Variants in TSPEAR observed in about 807,000 individuals in gnomAD.
TSPEAR encodes thrombospondin-type laminin G domain and EAR repeat-containing protein.
A neutral mutation model predicts 71.6 loss-of-function variants in TSPEAR; 69 were observed. The ratio of observed to expected loss-of-function variants is 0.96; its 90% confidence interval spans 0.79 to 1.18. TSPEAR has a LOEUF of 1.18. Among genes scored for constraint, TSPEAR ranks in the 50% most tolerant of loss-of-function variants. The pLI, the probability that TSPEAR is intolerant of heterozygous loss-of-function variation, is 0.00. For missense variants in TSPEAR, 971 were observed against 894.9 expected, an observed-to-expected ratio of 1.09 and a Z score of -1.09; for synonymous variants, 402 against 387.2, an observed-to-expected ratio of 1.04 and a Z score of -0.45.
intron 1 of TSPEAR, chr21:44,681,921 G>A: frequency 3.7e-6 from 6 of 1,614,088 alleles, no homozygotes; most frequent in South Asian, 2.2e-5. Context: ...CTGGCAGGAG[G>A]GAGCCGCATA....
At chr21:44,550,637 A>T in intron 2 of TSPEAR, 1 of 1,596,324 alleles carries the variant, frequency 6.3e-7, no homozygotes, top group Admixed American at 1.7e-5. Flanking sequence ...GGGAGGTCCA[A>T]GGACTGGCAG....
chr21:44,704,116 A>C (rs1467914331), intron 1 of TSPEAR, among the ~76,000 whole-genome samples: 1 of 152,170 alleles, frequency 6.6e-6, no homozygotes, highest in East Asian at 1.9e-4. Flanking sequence ...CCTCAGTGAG[A>C]GGAGGGCCCT....
rs1206399302 is a variant in TSPEAR, at chr21:44,628,426, T to G, written c.83-60421A>C. On this transcript the variant is annotated intron_variant, in intron 1 of 11. Coordinates refer to ENST00000323084, the MANE Select transcript of TSPEAR (RefSeq NM_144991.3). ...GCACCCAGGGCGGGAGGGGGCAGAG[T>G]GGGGCCTGGCCTGGCTCTGGGGGGC... 1.0e-5 allele frequency: 3 copies of G among 291,564 alleles called. No homozygotes were observed. The Admixed American group carries it at 1.4e-4, about 14-fold the overall frequency. 18.1% of individuals were successfully genotyped at this position (291,564 alleles called of 1,614,324 possible). A position where few individuals can be genotyped will look rare whatever the true frequency, so the allele number is the denominator to read the frequency against.
chr21:44,624,300 G>T (rs782204423), intron 1 of TSPEAR, among the ~76,000 whole-genome samples: 2 of 152,088 alleles, frequency 1.3e-5, no homozygotes, highest in East Asian at 3.8e-4. Context: ...TTGTCCTCTG[G>T]TTTTTTGAGC....
intron 1 of TSPEAR, among the ~76,000 whole-genome samples, chr21:44,689,225 G>A (rs1347004998): frequency 2.0e-5 from 3 of 152,178 alleles, no homozygotes; most frequent in Non-Finnish European, 4.4e-5. Flanking sequence ...AAATACGGCC[G>A]GGCACGGTGG....
At chr21:44,627,805 C>T in intron 1 of TSPEAR, 1 of 1,605,544 alleles carries the variant, frequency 6.2e-7, no homozygotes, top group East Asian at 2.2e-5. Flanking sequence ...GTGCTGCCAG[C>T]AGTCTGGCTG....
chr21:44,639,405 G>A (rs891954098), intron 1 of TSPEAR, among the ~76,000 whole-genome samples: 4 of 152,176 alleles, frequency 2.6e-5, no homozygotes, highest in Non-Finnish European at 5.9e-5. Flanking sequence ...AGGACCTCCC[G>A]GAGTCCCACC....
At chr21:44,677,450 T>C (rs1986370570) in intron 1 of TSPEAR, 1 of 870,404 alleles carries the variant, frequency 1.1e-6, no homozygotes, top group African/African-American at 1.6e-5. Flanking sequence ...TCAGAGCATC[T>C]TCAAAGCTCT....
chr21:44,591,502 G>A lies in TSPEAR; in HGVS notation c.83-23497C>T, dbSNP rs374560004. 180 of 1,614,080 alleles carry A rather than the reference G, an allele frequency of 1.1e-4. No individual in the cohort carries two copies. In the Admixed American group the frequency reaches 1.1e-3, roughly 10 times the overall value. ...GCGGCAGCAGCTGGGCTGGCAGGAGGAGGCAGAGGCACCACAGGAGGGGAC... is the reference window on the plus strand; with the variant it reads ...GCGGCAGCAGCTGGGCTGGCAGGAGAAGGCAGAGGCACCACAGGAGGGGAC... On this transcript the variant is annotated intron_variant, in intron 1 of 11. Transcript: ENST00000323084.
intron 1 of TSPEAR, among the ~76,000 whole-genome samples, chr21:44,670,819 T>A (rs920004398): frequency 6.6e-6 from 1 of 152,116 alleles, no homozygotes; most frequent in Admixed American, 6.5e-5. Flanking sequence ...CCAACAGATC[T>A]TGTATCTCCA....
intron 1 of TSPEAR, among the ~76,000 whole-genome samples, chr21:44,572,668 G>A (rs1026679796): frequency 6.6e-5 from 10 of 151,860 alleles, no homozygotes; most frequent in African/African-American, 2.2e-4. Context: ...GCTTGCTGTG[G>A]ATTGAATTGT....
chr21:44,659,701 G>A (rs925407464), intron 1 of TSPEAR, among the ~76,000 whole-genome samples: 6 of 152,192 alleles, frequency 3.9e-5, no homozygotes, highest in Admixed American at 6.5e-5. Context: ...CTGGAGAGTC[G>A]TTTGAGCCTG....
chr21:44,548,474 G>T (rs2053340384), intron 2 of TSPEAR, among the ~76,000 whole-genome samples: 1 of 152,192 alleles, frequency 6.6e-6, no homozygotes, highest in African/African-American at 2.4e-5. Flanking sequence ...GTGGGGATGG[G>T]AAGGTCTTGG....
intron 3 of TSPEAR, among the ~76,000 whole-genome samples, chr21:44,531,738 C>T (rs1003934111): frequency 3.9e-5 from 6 of 152,320 alleles, no homozygotes; most frequent in Non-Finnish European, 7.4e-5. Context: ...CACCATCACC[C>T]GGCCTGGGGT....
chr21:44,613,859 A>T (rs1263410619), intron 1 of TSPEAR, among the ~76,000 whole-genome samples: 1 of 151,702 alleles, frequency 6.6e-6, no homozygotes, highest in Non-Finnish European at 1.5e-5. Context: ...TAGGTGCGCG[A>T]CTTATGATTT....
rs371482276 is a variant in TSPEAR at position 44,527,384 on chromosome 21, C to T, written c.1057G>A (p.Val353Ile). 8.2e-5 allele frequency: 132 copies of T among 1,614,202 alleles called. No individual in the cohort carries two copies. In the East Asian group the frequency reaches 1.2e-3, roughly 15 times the overall value. ...AACTTCTCTTCGGTCCACTTGTAGA[C>T]GGCGGATGTGGCTTTGCGATTGGCT... Reference protein sequence around the residue: ...ATANRKATSAVYKWTEEKFVS... With the variant: ...ATANRKATSAIYKWTEEKFVS... The change falls in exon 7 of 12, where the codon GTC becomes ATC. Residue 353 changes from valine (V) to isoleucine (I), a missense_variant. By Grantham distance (29) the Val-to-Ile change is conservative (BLOSUM62 3). Transcript: ENST00000323084.
intron 1 of TSPEAR, chr21:44,580,117 C>A: frequency 6.2e-7 from 1 of 1,613,312 alleles, no homozygotes; most frequent in Non-Finnish European, 8.5e-7. Flanking sequence ...AGCTAGAATG[C>A]TGGCAGCATG....
At chr21:44,571,242 G>T (rs1484033905) in intron 1 of TSPEAR, among the ~76,000 whole-genome samples, 4 of 152,248 alleles carry the variant, frequency 2.6e-5, no homozygotes, top group Non-Finnish European at 5.9e-5. Context: ...TAGAGATGGG[G>T]TCTGGCTATG....
intron 6 of TSPEAR, 43 bp from the exon 7 acceptor site, chr21:44,527,561 C>A: frequency 6.3e-7 from 1 of 1,599,848 alleles, no homozygotes; most frequent in Non-Finnish European, 8.6e-7. Context: ...TTTCCGAGAA[C>A]GGAAATCCAG....
Sources: allele counts gnomAD v4.1 joint callset (sites outside exome capture counted in the v4.1 genomes callset), GRCh38; gene constraint gnomAD v4.1.1; transcripts MANE v1.5; gene names NCBI Gene and HGNC (gene_info 2026-07-23, HGNC 2026-07-21).